PDE4D: variants seen among roughly 807,000 people sequenced by gnomAD.
PDE4D encodes phosphodiesterase 4D.
A neutral mutation model predicts 87.4 loss-of-function variants in PDE4D; 24 were observed. The observed-to-expected ratio is 0.27, with a 90% CI of 0.20 to 0.39. The LOEUF (loss-of-function observed/expected upper bound fraction) is 0.39, where lower values mean the gene tolerates loss of function less well. Among genes scored for constraint, PDE4D ranks in the 10% least tolerant of loss-of-function variants. The pLI, the probability that PDE4D is intolerant of heterozygous loss-of-function variation, is 1.00. For synonymous variants in PDE4D, 384 were observed against 383.2 expected, an observed-to-expected ratio of 1.00 and a Z score of -0.02; for missense variants, 714 against 1,041.0, an observed-to-expected ratio of 0.69 and a Z score of 4.32.
chr5:59,771,910 T>C (rs1324706062), intron 1 of PDE4D, among the ~76,000 whole-genome samples: 2 of 152,244 alleles, frequency 1.3e-5, no homozygotes, highest in African/African-American at 4.8e-5. Context: ...TTAAAAGTAA[T>C]GAAGCAGGAT....
chr5:60,026,843 A>G (rs1766681633), intron 2 of PDE4D, among the ~76,000 whole-genome samples: 1 of 152,058 alleles, frequency 6.6e-6, no homozygotes, highest in Non-Finnish European at 1.5e-5. Context: ...AACCGTGCTC[A>G]CTCTTCAATT....
intron 1 of PDE4D, among the ~76,000 whole-genome samples, chr5:59,402,012 T>C (rs556534885): frequency 4.2e-4 from 64 of 152,302 alleles, no homozygotes; most frequent in African/African-American, 1.3e-3. Flanking sequence ...CTGGATGTTT[T>C]TGAGACAAAG....
intron 3 of PDE4D, among the ~76,000 whole-genome samples, chr5:59,933,120 C>A (rs1756159601): frequency 6.6e-6 from 1 of 152,122 alleles, no homozygotes; most frequent in African/African-American, 2.4e-5. Flanking sequence ...ACACTTAATG[C>A]CTCAAATTCA....
At chr5:59,270,904 C>T (rs1041837070) in intron 1 of PDE4D, among the ~76,000 whole-genome samples, 1 of 152,114 alleles carries the variant, frequency 6.6e-6, no homozygotes, top group African/African-American at 2.4e-5. Flanking sequence ...ATTTTCTCAC[C>T]TGTAAAATTA....
intron 1 of PDE4D, among the ~76,000 whole-genome samples, chr5:59,229,569 A>G (rs1169948410): frequency 6.6e-6 from 1 of 152,188 alleles, no homozygotes; most frequent in Non-Finnish European, 1.5e-5. Context: ...TCAGAAAAAT[A>G]ATACAAAAAA....
rs116632089 is a variant in PDE4D, at chr5:59,055,769, T to C, written c.809-16798A>G. ...TTTACCTAGCAAGGAGCCTTTTCTA[T>C]AGACAAAGTTGGGAAACCAGAGGTT... On this transcript the variant is annotated intron_variant, in intron 5 of 14. Transcript: ENST00000340635. Among the ~76,000 whole-genome samples the C allele has an allele frequency of 1.6e-3, 251 of 152,324 alleles. 2 individuals are homozygous for C. The highest frequency in any genetic ancestry group is 5.8e-3 in the African/African-American group (241 of 41,580).
chr5:60,055,572 T>C (rs1292261997), intron 2 of PDE4D, among the ~76,000 whole-genome samples: 1 of 152,142 alleles, frequency 6.6e-6, no homozygotes, highest in Non-Finnish European at 1.5e-5. Context: ...GTAATATATA[T>C]ATGAAAGTCG....
intron 1 of PDE4D, among the ~76,000 whole-genome samples, chr5:59,364,749 G>A (rs986888492): frequency 1.3e-5 from 2 of 152,144 alleles, no homozygotes; most frequent in Non-Finnish European, 2.9e-5. Flanking sequence ...AGACTAGTAA[G>A]CTACTTTCTA....
At chr5:59,647,137 T>C (rs1742599123) in intron 1 of PDE4D, among the ~76,000 whole-genome samples, 1 of 152,234 alleles carries the variant, frequency 6.6e-6, no homozygotes, top group African/African-American at 2.4e-5. Flanking sequence ...TCTGGCATAT[T>C]CACAGCCTTC....
intron 1 of PDE4D, among the ~76,000 whole-genome samples, chr5:59,231,782 T>C (rs1320505008): frequency 6.6e-6 from 1 of 152,216 alleles, no homozygotes; most frequent in Non-Finnish European, 1.5e-5. Flanking sequence ...TCACACTTCA[T>C]TTAGGTTTTT....
At chr5:59,189,175 C>G (rs1273781392) in intron 3 of PDE4D, among the ~76,000 whole-genome samples, 1 of 151,386 alleles carries the variant, frequency 6.6e-6, no homozygotes, top group Non-Finnish European at 1.5e-5. Flanking sequence ...CTAGAAGTAT[C>G]CCAGGTGCTG....
intron 1 of PDE4D, among the ~76,000 whole-genome samples, chr5:59,264,169 A>C (rs1005053077): frequency 6.6e-6 from 1 of 151,962 alleles, no homozygotes; most frequent in Non-Finnish European, 1.5e-5. Context: ...CAGCCACACT[A>C]TGTCCCTCTT....
chr5:60,398,181 T>C (rs1763019218), intron 1 of PDE4D, among the ~76,000 whole-genome samples: 1 of 152,176 alleles, frequency 6.6e-6, no homozygotes, highest in East Asian at 1.9e-4. Flanking sequence ...GACCTCCTAT[T>C]TTTGAACTGA....
chr5:59,972,821 A>T (rs919048025), intron 3 of PDE4D, among the ~76,000 whole-genome samples: 1 of 152,204 alleles, frequency 6.6e-6, no homozygotes, highest in African/African-American at 2.4e-5. Context: ...TCAGGCTCCC[A>T]GACCTGGCTA....
chr5:59,171,910 G>T (rs1782854007), intron 5 of PDE4D, among the ~76,000 whole-genome samples: 1 of 115,504 alleles, frequency 8.7e-6, no homozygotes, highest in Admixed American at 1.1e-4. Flanking sequence ...ATATATATGA[G>T]AAATACATTA....
chr5:60,038,921 A>C (rs530355722), intron 2 of PDE4D, among the ~76,000 whole-genome samples: 301 of 151,296 alleles, frequency 2.0e-3, no homozygotes, highest in African/African-American at 7.0e-3. Flanking sequence ...GGTGATCATT[A>C]AAAAGTCAGG....
chr5:59,914,872 T>G (rs1005028611), intron 3 of PDE4D, among the ~76,000 whole-genome samples: 13 of 51,858 alleles, frequency 2.5e-4, no homozygotes, highest in African/African-American at 1.1e-3. Flanking sequence ...TAGGGGTGTG[T>G]GTGTGTGTGT....
intron 1 of PDE4D, among the ~76,000 whole-genome samples, chr5:59,423,861 A>T (rs578048701): frequency 6.6e-6 from 1 of 150,736 alleles, no homozygotes; most frequent in East Asian, 1.9e-4. Context: ...TGGTATAAGC[A>T]TGGAAGCGTC....
At chr5:59,454,624 C>T (rs1813481) in intron 1 of PDE4D, among the ~76,000 whole-genome samples, 5,279 of 152,038 alleles carry the variant, frequency 0.035, 320 homozygotes, top group African/African-American at 0.12. Flanking sequence ...GGTGCAGTGC[C>T]GAAAAGATAC....
Sources: gnomAD v4.1 joint callset for allele counts (sites outside exome capture counted in the v4.1 genomes callset) on GRCh38, gnomAD v4.1.1 for gene constraint, MANE v1.5 for transcripts, NCBI Gene and HGNC (gene_info 2026-07-23, HGNC 2026-07-21) for gene names.